The following CAPN2 variants were observed in gnomAD, a reference collection of about 807,000 sequenced individuals.
The protein encoded by CAPN2 is calpain-2 catalytic subunit.
Under a neutral mutation model 102.3 loss-of-function variants are expected in CAPN2, and 92 were observed. The observed-to-expected ratio is 0.90, with a 90% CI of 0.76 to 1.07. CAPN2 has a LOEUF of 1.07. Ranked by LOEUF, CAPN2 falls within the 50% of genes least tolerant of loss-of-function variation. CAPN2 has a pLI of 0.00. For missense variants in CAPN2, 800 were observed against 909.4 expected (o/e 0.88, Z 1.55); for synonymous variants, 340 against 355.4 (o/e 0.96, Z 0.49).
At chr1:223,773,305 C>G (rs1661529344) in intron 20 of CAPN2, 1 of 152,186 alleles carries the variant, frequency 6.6e-6, no homozygotes, top group Non-Finnish European at 1.5e-5. Context: ...GCCTGTAATC[C>G]CATCACTTTG....
intron 2 of CAPN2, among the ~76,000 whole-genome samples, chr1:223,741,423 A>G (rs900443682): frequency 1.2e-5 from 1 of 80,646 alleles, no homozygotes; most frequent in African/African-American, 1.1e-4. Flanking sequence ...TGTAAAATGT[A>G]TATATATATA....
intron 4 of CAPN2, among the ~76,000 whole-genome samples, chr1:223,746,475 C>T (rs1410746515): frequency 3.0e-4 from 32 of 108,450 alleles, no homozygotes; most frequent in African/African-American, 8.0e-4. Flanking sequence ...CTACGAGAAT[C>T]TTTTTTTTTT....
At chr1:223,749,176 A>AAACTGTGCCTGT in intron 6 of CAPN2, 54 bp downstream of exon 6, 1 of 1,503,560 alleles carries the variant, frequency 6.7e-7, no homozygotes, top group Non-Finnish European at 9.3e-7. Flanking sequence ...CGATGGCCAC[A>AAACTGTGCCTGT]GGCACAGTTT....
Position 223,744,095 on chromosome 1 carries a change from C to T in CAPN2, c.308-5C>T. 1.9e-6 allele frequency: 3 copies of T among 1,598,956 alleles called. No homozygotes were observed. Among genetic ancestry groups the T allele is most frequent in the Non-Finnish European group, 2.6e-6 (3 of 1,166,222 alleles). On this transcript the variant is annotated splice_region_variant and splice_polypyrimidine_tract_variant and intron_variant, in intron 2 of 20. Transcript: ENST00000295006. ...TGATAAGAGCTCCTTGTGCTGTGTT[C>T]ACAGGTGACTGCTGGCTGCTGGCAG...
intron 20 of CAPN2, among the ~76,000 whole-genome samples, chr1:223,774,287 A>C (rs1198361813): frequency 6.6e-6 from 1 of 151,614 alleles, no homozygotes; most frequent in Non-Finnish European, 1.5e-5. Context: ...GTTCCTGGAG[A>C]TCCTCGCTTC....
chr1:223,708,646 C>T (rs78478919), upstream of CAPN2, among the ~76,000 whole-genome samples: 1 of 151,202 alleles, frequency 6.6e-6, no homozygotes, highest in African/African-American at 2.4e-5. Flanking sequence ...CGGCTGGTAC[C>T]TGTAATCCCA....
intron 16 of CAPN2, among the ~76,000 whole-genome samples, chr1:223,767,916 T>C (rs1400891765): frequency 1.3e-5 from 2 of 151,092 alleles, no homozygotes; most frequent in Non-Finnish European, 3.0e-5. Flanking sequence ...ATTATGGTTT[T>C]GATTTGCATT....
At chr1:223,762,057 A>G in intron 13 of CAPN2, 129 bp from the exon 14 acceptor site, 7 of 671,568 alleles carry the variant, frequency 1.0e-5, no homozygotes, top group Non-Finnish European at 1.8e-5. Context: ...AACCCAAATC[A>G]CCGTAGAATT....
chr1:223,714,772 T>G (rs1460204141), intron 1 of CAPN2, among the ~76,000 whole-genome samples: 1 of 152,230 alleles, frequency 6.6e-6, no homozygotes, highest in African/African-American at 2.4e-5. Flanking sequence ...ACCTACTATA[T>G]GCTGGGCACA....
At chr1:223,711,900 T>C (rs926417425), upstream of CAPN2, among the ~76,000 whole-genome samples, 1 of 152,194 alleles carries the variant, frequency 6.6e-6, no homozygotes, top group Admixed American at 6.5e-5. Context: ...CCCAGCCTTA[T>C]TGGCCAAATC....
Position 223,712,685 on chromosome 1 carries a change from C to G in CAPN2, c.45C>G (p.Ala15=). The G allele has an allele frequency of 1.3e-6, 2 of 1,562,246 alleles. No homozygotes were observed. Among genetic ancestry groups the G allele is most frequent in the Non-Finnish European group, 1.7e-6 (2 of 1,156,600 alleles). ...AGCTGGCGAAGGACCGGGAGGCGGC[C>G]GAGGGGCTGGGCTCCCACGACAGGG... is the stretch of plus-strand genomic sequence containing the variant. ...AAKLAKDREA[A]EGLGSHDRAI... The change falls in exon 1 of 21, where the codon GCC becomes GCG. Residue 15 remains alanine (A), a synonymous_variant. Transcript: ENST00000295006.
chr1:223,721,170 CA>C (rs112788008), intron 2 of CAPN2, among the ~76,000 whole-genome samples: 1 of 152,186 alleles, frequency 6.6e-6, no homozygotes, highest in African/African-American at 2.4e-5. Context: ...ATCTCCATTG[CA>C]GAATATAGTT....
chr1:223,725,464 G>A lies in CAPN2; in HGVS notation c.307+7633G>A, dbSNP rs977931183. Among the ~76,000 whole-genome samples, 8 of 152,194 alleles carry A rather than the reference G, an allele frequency of 5.3e-5. No homozygotes were observed. The highest frequency in any genetic ancestry group is 1.9e-4 in the African/African-American group (8 of 41,448). On this transcript the variant is annotated intron_variant, in intron 2 of 20. Transcript: ENST00000295006. The surrounding 1 kb of genome is among the most constrained non-coding windows in gnomAD (Gnocchi z 4.1). ...GACATATAAAGCTCAGAGCTCCAGAGGCTGGTACATAGTAAAGGTTTAATC... is the reference window on the plus strand; with the variant it reads ...GACATATAAAGCTCAGAGCTCCAGAAGCTGGTACATAGTAAAGGTTTAATC...
At chr1:223,719,805 C>CGT (rs10556130) in intron 2 of CAPN2, among the ~76,000 whole-genome samples, 3,006 of 143,708 alleles carry the variant, frequency 0.021, 89 homozygotes, top group African/African-American at 0.073. Flanking sequence ...GGGGTGTGTG[C>CGT]GTGTGTGTGT....
chr1:223,746,998 A>G lies in CAPN2; in HGVS notation c.562A>G (p.Ile188Val), dbSNP rs1571803626. 6.2e-7 allele frequency: 1 copy of G among 1,613,188 alleles called. No individual in the cohort carries two copies. Among genetic ancestry groups the G allele is most frequent in the Admixed American group, 1.7e-5 (1 of 59,938 alleles). Reference sequence around the variant, plus strand: ...GCAGCGTCTAATCCCCTCTTGTAGGATCAACGGATGCTATGAAGCGCTATC... The same window carrying G: ...GCAGCGTCTAATCCCCTCTTGTAGGGTCAACGGATGCTATGAAGCGCTATC... ...SALLEKAYAKINGCYEALSGG... is the reference protein window; with the variant it reads ...SALLEKAYAKVNGCYEALSGG... The change falls in exon 5 of 21, where the codon ATC (isoleucine) becomes GTC (valine). Residue 188 changes from isoleucine (I) to valine (V), a missense_variant and splice_region_variant. Transcript: ENST00000295006.
At chr1:223,715,496 G>T (rs943588578) in intron 1 of CAPN2, among the ~76,000 whole-genome samples, 5 of 152,154 alleles carry the variant, frequency 3.3e-5, no homozygotes, top group Admixed American at 2.0e-4. Flanking sequence ...CGGGTTGTGG[G>T]CAGGGGAGGG....
Position 223,745,317 on chromosome 1 carries a change from C to G in CAPN2, c.438C>G (p.Tyr146Ter). The G allele has an allele frequency of 6.2e-7, 1 of 1,614,164 alleles. No individual in the cohort carries two copies. Among genetic ancestry groups the G allele is most frequent in the Non-Finnish European group, 8.5e-7 (1 of 1,180,022 alleles). Residue 146 changes from tyrosine to a stop codon, truncating the protein, a stop_gained, in exon 4 of 21, where the codon TAC (tyrosine) becomes TAG (stop). Transcript: ENST00000295006. LOFTEE classifies it high-confidence loss of function. The stretch of plus-strand genomic sequence containing the variant: ...CTCTTGTTCTGCAGTTCTGGCAATA[C>G]GGCGAGTGGGTGGAGGTGGTGGTGG... ...AGIFHFQFWQYGEWVEVVVDD... is the reference protein window; with the variant it reads ...AGIFHFQFWQ
intron 7 of CAPN2, 66 bp from the exon 8 acceptor site, chr1:223,751,931 C>A (rs1261800511): frequency 2.8e-6 from 3 of 1,090,610 alleles, no homozygotes; most frequent in Non-Finnish European, 4.1e-6. Flanking sequence ...CCCTCTTCCT[C>A]AACTCTGGGG....
chr1:223,770,435 T>C lies in CAPN2; in HGVS notation c.1825-12T>C. 1 of 1,607,102 alleles carries C rather than the reference T, an allele frequency of 6.2e-7. No homozygotes were observed. Among genetic ancestry groups the C allele is most frequent in the South Asian group, 1.1e-5 (1 of 90,890 alleles). On this transcript the variant is annotated splice_polypyrimidine_tract_variant and intron_variant, in intron 17 of 20. Coordinates refer to ENST00000295006, the MANE Select transcript of CAPN2 (RefSeq NM_001748.5). ...TGGGTCATAGTTCTTACAGCTAACT[T>C]ATGTGTTCCAGAAAATTTACCGAGA...
Sources: allele counts gnomAD v4.1 joint callset (sites outside exome capture counted in the v4.1 genomes callset), GRCh38; gene constraint gnomAD v4.1.1; non-coding constraint Gnocchi (gnomAD v3.1); transcripts MANE v1.5; gene names NCBI Gene and HGNC (gene_info 2026-07-23, HGNC 2026-07-21).